ART4: variants seen among roughly 807,000 people sequenced by gnomAD.
ART4 encodes ADP-ribosyltransferase 4 (inactive) (Dombrock blood group), also known as ecto-ADP-ribosyltransferase 4.
ART4 carries 14 observed loss-of-function variants against 24.2 expected under a neutral mutation model. The observed-to-expected ratio is 0.58, with a 90% CI of 0.38 to 0.90. The LOEUF (loss-of-function observed/expected upper bound fraction) is 0.90. ART4 is among the 40% of genes least tolerant of loss of function. ART4 has a pLI of 0.00. For synonymous variants in ART4, 145 were observed against 139.9 expected, an observed-to-expected ratio of 1.04 and a Z score of -0.26; for missense variants, 356 against 366.6, an observed-to-expected ratio of 0.97 and a Z score of 0.24.
chr12:14,838,054 C>T (rs142068750), intron 2 of ART4, among the ~76,000 whole-genome samples: 151 of 152,198 alleles, frequency 9.9e-4, no homozygotes, highest in African/African-American at 3.3e-3. Flanking sequence ...GCTTATAGAG[C>T]GACACAAGAT....
At chr12:14,842,474 G>A (rs908721413) in intron 1 of ART4, among the ~76,000 whole-genome samples, 4 of 152,090 alleles carry the variant, frequency 2.6e-5, no homozygotes, top group African/African-American at 7.2e-5. Context: ...AAGCCAAGCC[G>A]AGCCAAACCA....
At chr12:14,837,965 G>C (rs192686368) in intron 2 of ART4, among the ~76,000 whole-genome samples, 1 of 152,296 alleles carries the variant, frequency 6.6e-6, no homozygotes, top group East Asian at 1.9e-4. Context: ...AACAGAGTGG[G>C]TCTGGGCTCA....
intron 2 of ART4, among the ~76,000 whole-genome samples, chr12:14,838,576 G>A (rs998133290): frequency 6.6e-6 from 1 of 152,126 alleles, no homozygotes; most frequent in Admixed American, 6.5e-5. Context: ...TCCTGTGTCT[G>A]TGGGGCAGAT....
At chr12:14,840,118 A>G (rs575955197) in intron 2 of ART4, among the ~76,000 whole-genome samples, 1 of 152,330 alleles carries the variant, frequency 6.6e-6, no homozygotes, top group African/African-American at 2.4e-5. Context: ...TATCCATGTA[A>G]TGACAATGAG....
In ART4 at chr12:14,830,536, A is replaced by AATGTGTGTGT. The variant is rs761909320; in HGVS notation, c.854-1075_854-1074insACACACACAT. Among the ~76,000 whole-genome samples, 69 of 124,198 alleles carry AATGTGTGTGT rather than the reference A, an allele frequency of 5.6e-4. 1 individual carries two copies. The highest frequency in any genetic ancestry group is 3.8e-3 in the Middle Eastern group (1 of 262). The allele number at this position is 124,198 out of a possible 152,430, so 81.5% of individuals were successfully genotyped here. Reference sequence around the variant, plus strand: ...TAGTTTTTTGGAATTTCTATATAGGAGTGTGTGTGTGTGTGTGTGTGTGTG... The same window carrying AATGTGTGTGT: ...TAGTTTTTTGGAATTTCTATATAGGAATGTGTGTGTGTGTGTGTGTGTGTGTGTGTGTGTG... On this transcript the variant is annotated intron_variant, in intron 2 of 2. Coordinates refer to ENST00000228936, the MANE Select transcript of ART4 (RefSeq NM_021071.4).
rs1382742365 is a variant in ART4 at position 14,826,210 on chromosome 12, A to G, written c.*3161T>C. 1 of 152,252 alleles carries G rather than the reference A, an allele frequency of 6.6e-6. No individual in the cohort carries two copies. Among genetic ancestry groups the G allele is most frequent in the African/African-American group, 2.4e-5 (1 of 41,478 alleles). The allele number at this position is 152,252 out of a possible 1,614,324, so 9.4% of individuals were successfully genotyped here. A position where few individuals can be genotyped will look rare whatever the true frequency, so the allele number is the denominator to read the frequency against. On this transcript the variant is annotated 3_prime_UTR_variant, in exon 3 of 3. Transcript: ENST00000228936. ...ATTCCTTGCTCAACAACTTTGGACT[A>G]TAGGGAGAGACTGAGGGGATGTGAG...
Position 14,830,536 on chromosome 12 carries a change from AGTGTGTGTGTGTGT to A in ART4, c.854-1088_854-1075del, listed in dbSNP as rs55694373. ...TAGTTTTTTGGAATTTCTATATAGG[AGTGTGTGTGTGTGT>A]GTGTGTGTGTGTGTGTGTGTGTGTG... is the stretch of plus-strand genomic sequence containing the variant. On this transcript the variant is annotated intron_variant, in intron 2 of 2. Transcript: ENST00000228936. 3.0e-4 allele frequency among the ~76,000 whole-genome samples: 37 copies of A among 124,200 alleles called. 1 individual carries two copies. The highest frequency in any genetic ancestry group is 1.1e-3 in the East Asian group (4 of 3,566). 81.5% of individuals were successfully genotyped at this position (124,200 alleles called of 152,430 possible). A position where few individuals can be genotyped will look rare whatever the true frequency, so the allele number is the denominator to read the frequency against.
At chr12:14,834,780 C>T (rs1950418667) in intron 2 of ART4, among the ~76,000 whole-genome samples, 3 of 152,252 alleles carry the variant, frequency 2.0e-5, no homozygotes, top group South Asian at 4.1e-4. Context: ...GCAACCAGTA[C>T]AGGTCATGTG....
intron 2 of ART4, among the ~76,000 whole-genome samples, chr12:14,838,118 C>T (rs771473536): frequency 8.5e-5 from 13 of 152,100 alleles, no homozygotes; most frequent in Non-Finnish European, 1.8e-4. Flanking sequence ...TAAGACCAAC[C>T]GAACTGTCAG....
chr12:14,832,388 C>A (rs141890283), intron 2 of ART4, among the ~76,000 whole-genome samples: 1 of 152,132 alleles, frequency 6.6e-6, no homozygotes, highest in South Asian at 2.1e-4. Context: ...CTCCTTTCAA[C>A]CTTGGCTCAA....
At chr12:14,830,581 A>G (rs1950388288) in intron 2 of ART4, among the ~76,000 whole-genome samples, 1 of 130,104 alleles carries the variant, frequency 7.7e-6, no homozygotes. Flanking sequence ...GTGTGTGTAT[A>G]CAAGTAGAAA....
chr12:14,839,858 G>A (rs1237304494), intron 2 of ART4, among the ~76,000 whole-genome samples: 1 of 152,134 alleles, frequency 6.6e-6, no homozygotes, highest in Non-Finnish European at 1.5e-5. Flanking sequence ...ACTTTTCCTG[G>A]AGAGAATGAG....
chr12:14,829,486 ATATTT>A (rs1489443133), intron 2 of ART4, 24 bp from the exon 3 acceptor site: 2 of 1,568,046 alleles, frequency 1.3e-6, no homozygotes, highest in Non-Finnish European at 1.7e-6. Context: ...AACAAAGGAA[ATATTT>A]TAGGTAGCAG....
intron 2 of ART4, among the ~76,000 whole-genome samples, chr12:14,833,428 A>T (rs1306895401): frequency 6.6e-6 from 1 of 152,194 alleles, no homozygotes; most frequent in Non-Finnish European, 1.5e-5. Flanking sequence ...ATGGGGAAGG[A>T]TCCTATTTTT....
At position 14,840,751 on chromosome 12, in the gene ART4, A is replaced by G; in HGVS notation, c.547T>C (p.Tyr183His). Reference sequence around the variant, plus strand: ...TCCTTCGTCCTATAATGCACCTCATAGCACAGAGTGCCATTCTCCATGATG... The same window carrying G: ...TCCTTCGTCCTATAATGCACCTCATGGCACAGAGTGCCATTCTCCATGATG... ...DSIMENGTLC[Y>H]EVHYRTKDVH... The change falls in exon 2 of 3, where the codon TAT becomes CAT. Residue 183 changes from tyrosine to histidine, a missense_variant. Physicochemically the swap from Tyr to His is moderately conservative, Grantham distance 83. Transcript: ENST00000228936. 3 of 1,614,198 alleles carry G rather than the reference A, an allele frequency of 1.9e-6. No individual in the cohort carries two copies. Among genetic ancestry groups the G allele is most frequent in the African/African-American group, 2.7e-5 (2 of 75,056 alleles).
intron 2 of ART4, among the ~76,000 whole-genome samples, chr12:14,839,828 G>C (rs1950454327): frequency 6.6e-6 from 1 of 152,088 alleles, no homozygotes; most frequent in African/African-American, 2.4e-5. Flanking sequence ...GTTCCATATG[G>C]CTATTATGAA....
chr12:14,840,479 C>T lies in ART4; in HGVS notation c.819G>A (p.Gly273=). 3 of 1,613,478 alleles carry T rather than the reference C, an allele frequency of 1.9e-6. No homozygotes were observed. Among genetic ancestry groups the T allele is most frequent in the South Asian group, 1.1e-5 (1 of 90,924 alleles). The change falls in exon 2 of 3, where the codon GGG becomes GGA. Residue 273 remains glycine (G), a synonymous_variant. Transcript: ENST00000228936. ...GCTGACAGTTATATGTGCTCAGGTT[C>T]CCAGTTGACCTCAACTGCAACCAGT... is the stretch of plus-strand genomic sequence containing the variant. The part of the protein sequence containing the change: ...RGDWLQLRST[G]NLSTYNCQLL...
At chr12:14,832,210 C>T (rs2137298861) in intron 2 of ART4, among the ~76,000 whole-genome samples, 1 of 152,290 alleles carries the variant, frequency 6.6e-6, no homozygotes, top group African/African-American at 2.4e-5. Flanking sequence ...CTTCAAGGTC[C>T]TATGTGATCG....
At chr12:14,830,984 A>G (rs1400158361) in intron 2 of ART4, among the ~76,000 whole-genome samples, 1 of 151,786 alleles carries the variant, frequency 6.6e-6, no homozygotes, top group Non-Finnish European at 1.5e-5. Context: ...TAAAGATCAC[A>G]AGGATTTCCA....
Sources: allele counts gnomAD v4.1 joint callset (sites outside exome capture counted in the v4.1 genomes callset), GRCh38; gene constraint gnomAD v4.1.1; transcripts MANE v1.5; gene names NCBI Gene and HGNC (gene_info 2026-07-23, HGNC 2026-07-21).